ABHD3: variants seen among roughly 807,000 people sequenced by gnomAD.
ABHD3 encodes phospholipase ABHD3.
ABHD3 carries 46 observed loss-of-function variants against 48.8 expected under a neutral mutation model. The ratio of observed to expected loss-of-function variants is 0.94; its 90% CI spans 0.74 to 1.20. The LOEUF (loss-of-function observed/expected upper bound fraction) is 1.20. Among genes scored for constraint, ABHD3 ranks in the 50% most tolerant of loss-of-function variants. The pLI is 0.00. For missense variants in ABHD3, 490 were observed against 497.8 expected (o/e 0.98, Z 0.15); for synonymous variants, 192 against 183.7 (o/e 1.04, Z -0.36).
chr18:21,681,812 C>G (rs2040010560), intron 4 of ABHD3, among the ~76,000 whole-genome samples: 1 of 152,094 alleles, frequency 6.6e-6, no homozygotes, highest in South Asian at 2.1e-4. Context: ...AGTTCCTAAC[C>G]TACCAGTGTC....
At position 21,657,155 on chromosome 18, in the gene ABHD3, G is replaced by T; in HGVS notation, c.843-3C>A. 1 of 1,596,468 alleles carries T rather than the reference G, an allele frequency of 6.3e-7. No individual in the cohort carries two copies. The highest frequency in any genetic ancestry group is 1.1e-5 in the South Asian group (1 of 88,746). ...GTTTTACAAACATATGTCGGTGCCT[G>T]GAACAAAAGAATTTCGGAAGTAAAA... On this transcript the variant is annotated splice_region_variant and splice_polypyrimidine_tract_variant and intron_variant, in intron 6 of 8. Transcript: ENST00000289119.
chr18:21,704,678 C>T lies in ABHD3; in HGVS notation c.-13G>A. 6.8e-7 allele frequency: 1 copy of T among 1,462,510 alleles called. No homozygotes were observed. The highest frequency in any genetic ancestry group is 1.4e-5 in the South Asian group (1 of 72,278). 90.6% of individuals were successfully genotyped at this position (1,462,510 alleles called of 1,614,324 possible). A position where few individuals can be genotyped will look rare whatever the true frequency, so the allele number is the denominator to read the frequency against. ...CCAGGCGCTGCATGGCCCCCGAGCG[C>T]GGCGCGCGGGTCCTGCGGCGGGAGG... On this transcript the variant is annotated 5_prime_UTR_variant, in exon 1 of 9. Transcript: ENST00000289119.
chr18:21,688,081 C>T (rs530776703), intron 3 of ABHD3, among the ~76,000 whole-genome samples: 31 of 152,268 alleles, frequency 2.0e-4, no homozygotes, highest in African/African-American at 7.5e-4. Flanking sequence ...GTCAAGGTTG[C>T]AGTGCTGTGA....
chr18:21,677,386 T>C (rs1342088543), intron 4 of ABHD3, among the ~76,000 whole-genome samples: 1 of 151,228 alleles, frequency 6.6e-6, no homozygotes, highest in Non-Finnish European at 1.5e-5. Context: ...TTTGTATTTT[T>C]AGTAGAGATA....
chr18:21,654,001 A>G (rs2039288822), intron 8 of ABHD3, among the ~76,000 whole-genome samples: 1 of 150,964 alleles, frequency 6.6e-6, no homozygotes, highest in African/African-American at 2.4e-5. Context: ...GTGTCCCACC[A>G]CGGCCAGCTA....
intron 4 of ABHD3, 159 bp from the exon 5 acceptor site, chr18:21,664,389 A>G: frequency 1.5e-6 from 1 of 673,104 alleles, no homozygotes; most frequent in Non-Finnish European, 2.4e-6. Flanking sequence ...CCTGTCTTGC[A>G]GCGCACATAC....
chr18:21,667,931 T>G (rs1015557183), intron 4 of ABHD3, among the ~76,000 whole-genome samples: 3 of 151,858 alleles, frequency 2.0e-5, no homozygotes, highest in Non-Finnish European at 2.9e-5. Flanking sequence ...CCAGGGGTGG[T>G]GGCTCACTCC....
chr18:21,692,896 GT>G (rs2040284834), intron 3 of ABHD3, among the ~76,000 whole-genome samples: 2 of 152,306 alleles, frequency 1.3e-5, no homozygotes, highest in African/African-American at 4.8e-5. Context: ...GTGCTTGTAA[GT>G]AACAGTTGTT....
intron 3 of ABHD3, among the ~76,000 whole-genome samples, chr18:21,699,767 G>A (rs1255409536): frequency 2.6e-5 from 4 of 152,092 alleles, no homozygotes; most frequent in East Asian, 1.9e-4. Context: ...TGCAACCTCC[G>A]CCTCCCGGGT....
chr18:21,690,721 A>C (rs919148614), intron 3 of ABHD3, among the ~76,000 whole-genome samples: 1 of 151,874 alleles, frequency 6.6e-6, no homozygotes, highest in African/African-American at 2.4e-5. Context: ...CTGGTTGGGC[A>C]CAGTGGCTCA....
rs199961412 is a variant in ABHD3 at position 21,700,668 on chromosome 18, G to C, written c.509+1648C>G. 3.9e-5 allele frequency among the ~76,000 whole-genome samples: 6 copies of C among 152,058 alleles called. No homozygotes were observed. The East Asian group carries it at 9.7e-4, about 24-fold the overall frequency. On this transcript the variant is annotated intron_variant, in intron 3 of 8. Coordinates refer to ENST00000289119, the MANE Select transcript of ABHD3 (RefSeq NM_138340.5). The stretch of plus-strand genomic sequence containing the variant: ...ACCTGCCTCGGCCTCCCAAAGTGCT[G>C]TTATTACAGGCGTCAGCCACTGCAC...
At chr18:21,668,217 A>AAAAAAAAAAAAAAAAAAAAAAAAAAAAG (rs1370034550) in intron 4 of ABHD3, among the ~76,000 whole-genome samples, 1 of 137,686 alleles carries the variant, frequency 7.3e-6, no homozygotes, top group Non-Finnish European at 1.6e-5. Context: ...AAAAAAAAAA[A>AAAAAAAAAAAAAAAAAAAAAAAAAAAAG]AAAGAAAGAA....
rs369183098 is a variant in ABHD3, at chr18:21,677,776, C to A, written c.555+6144G>T. 4.6e-4 allele frequency among the ~76,000 whole-genome samples: 70 copies of A among 151,764 alleles called. 1 individual carries two copies. The South Asian group carries it at 8.7e-3, about 19-fold the overall frequency. ...TCGGCTCACTGCAACCTCCACCTCCCGGGTTCAAGCGATTCCCCTGCCTCA... is the reference window on the plus strand; with the variant it reads ...TCGGCTCACTGCAACCTCCACCTCCAGGGTTCAAGCGATTCCCCTGCCTCA... On this transcript the variant is annotated intron_variant, in intron 4 of 8. Transcript: ENST00000289119.
chr18:21,671,308 T>G (rs1353864332), intron 4 of ABHD3, among the ~76,000 whole-genome samples: 2 of 152,148 alleles, frequency 1.3e-5, no homozygotes, highest in African/African-American at 4.8e-5. Context: ...GGAAACATCA[T>G]CTGTCTTCTT....
chr18:21,697,682 C>G (rs1448592317), intron 3 of ABHD3, among the ~76,000 whole-genome samples: 1 of 152,218 alleles, frequency 6.6e-6, no homozygotes, highest in African/African-American at 2.4e-5. Flanking sequence ...TGCCTAGCCT[C>G]ATTCTATTTA....
chr18:21,679,490 G>A (rs2039959399), intron 4 of ABHD3, among the ~76,000 whole-genome samples: 1 of 152,212 alleles, frequency 6.6e-6, no homozygotes, highest in Non-Finnish European at 1.5e-5. Flanking sequence ...TACAGTAGTA[G>A]TTATGCCTTG....
At chr18:21,677,651 G>GT (rs1160664003) in intron 4 of ABHD3, among the ~76,000 whole-genome samples, 1 of 151,764 alleles carries the variant, frequency 6.6e-6, no homozygotes, top group African/African-American at 2.4e-5. Context: ...TTATGTACAG[G>GT]TTTTTTTACT....
chr18:21,659,002 C>G (rs2039420472), intron 6 of ABHD3, among the ~76,000 whole-genome samples, 168 bp downstream of exon 6: 1 of 152,034 alleles, frequency 6.6e-6, no homozygotes, highest in Admixed American at 6.6e-5. Context: ...CCACGGCCAG[C>G]TAATTTTTTT....
rs983373212 is a variant in ABHD3 at position 21,704,629 on chromosome 18, G to A, written c.37C>T (p.Arg13Trp). The change falls in exon 1 of 9, where the codon CGG becomes TGG. Residue 13 changes from arginine to tryptophan, a missense_variant. Transcript: ENST00000289119. ...RLAMDLRMLSRELSLYLEHQV... is the reference protein window; with the variant it reads ...RLAMDLRMLSWELSLYLEHQV... Reference sequence around the variant, plus strand: ...TGTTCCAGGTAGAGGGAGAGCTCCCGGGACAACATCCGCAGGTCCATGGCC... The same window carrying A: ...TGTTCCAGGTAGAGGGAGAGCTCCCAGGACAACATCCGCAGGTCCATGGCC... 6.5e-7 allele frequency: 1 copy of A among 1,547,858 alleles called. No homozygotes were observed. Among genetic ancestry groups the A allele is most frequent in the Non-Finnish European group, 8.7e-7 (1 of 1,149,644 alleles).
Sources: gnomAD v4.1 joint callset for allele counts (sites outside exome capture counted in the v4.1 genomes callset) on GRCh38, gnomAD v4.1.1 for gene constraint, MANE v1.5 for transcripts, NCBI Gene and HGNC (gene_info 2026-07-23, HGNC 2026-07-21) for gene names.